PRKCA: variants seen among roughly 807,000 people sequenced by gnomAD.
PRKCA encodes the protein protein kinase C alpha type.
PRKCA carries 27 observed loss-of-function variants against 87.0 expected under a neutral mutation model. That is an observed-to-expected ratio of 0.31 (90% CI 0.23 to 0.43). The LOEUF is 0.43. Among genes scored for constraint, PRKCA ranks in the 20% least tolerant of loss-of-function variants. The pLI, the probability that PRKCA is intolerant of heterozygous loss-of-function variation, is 1.00. For synonymous variants in PRKCA, 329 were observed against 311.1 expected (o/e 1.06, Z -0.61); for missense variants, 518 against 852.3 (o/e 0.61, Z 4.88).
chr17:66,511,234 C>G (rs1917214014), intron 3 of PRKCA, among the ~76,000 whole-genome samples: 1 of 152,134 alleles, frequency 6.6e-6, no homozygotes. Context: ...ATAAGAATTT[C>G]ATACTCGAAA....
At chr17:66,381,142 A>C (rs1256016276) in intron 2 of PRKCA, among the ~76,000 whole-genome samples, 2 of 151,940 alleles carry the variant, frequency 1.3e-5, no homozygotes, top group Non-Finnish European at 2.9e-5. Flanking sequence ...GGGTCTCGCT[A>C]TGTTGGCTGG....
At chr17:66,320,113 A>G (rs559667268) in intron 2 of PRKCA, among the ~76,000 whole-genome samples, 2 of 152,318 alleles carry the variant, frequency 1.3e-5, no homozygotes, top group South Asian at 4.1e-4. Flanking sequence ...TCATAGGGTC[A>G]GGAAAAGCCC....
intron 3 of PRKCA, among the ~76,000 whole-genome samples, chr17:66,537,559 G>A (rs533577226): frequency 3.3e-5 from 5 of 152,312 alleles, no homozygotes; most frequent in Admixed American, 6.5e-5. Context: ...TCCGAATGCC[G>A]TGTGGTCTTC....
intron 3 of PRKCA, among the ~76,000 whole-genome samples, chr17:66,530,718 G>A (rs528826108): frequency 4.6e-5 from 7 of 152,316 alleles, no homozygotes; most frequent in Admixed American, 4.6e-4. Context: ...CATTCTCTCA[G>A]TGGAAGCTGG....
intron 10 of PRKCA, among the ~76,000 whole-genome samples, chr17:66,737,532 C>T (rs16960132): frequency 0.14 from 21,148 of 152,236 alleles, 1,753 homozygotes; most frequent in East Asian, 0.29. Context: ...CAGAGATTGA[C>T]TTTCTGTCTT....
intron 5 of PRKCA, among the ~76,000 whole-genome samples, chr17:66,670,966 C>T (rs1972162955): frequency 6.6e-6 from 1 of 151,806 alleles, no homozygotes; most frequent in South Asian, 2.1e-4. Flanking sequence ...AATCCCAGCA[C>T]TTTGGGAGGC....
intron 2 of PRKCA, among the ~76,000 whole-genome samples, chr17:66,422,918 C>T (rs1466165907): frequency 6.6e-6 from 1 of 151,958 alleles, no homozygotes; most frequent in East Asian, 1.9e-4. Context: ...CGAGACCAGC[C>T]TGGCCAACAT....
intron 2 of PRKCA, among the ~76,000 whole-genome samples, chr17:66,363,190 G>GATGAGC (rs1908499782): frequency 6.6e-6 from 1 of 152,228 alleles, no homozygotes; most frequent in Non-Finnish European, 1.5e-5. Flanking sequence ...ACACTGCAAA[G>GATGAGC]ATGAGCACCA....
intron 3 of PRKCA, among the ~76,000 whole-genome samples, chr17:66,568,656 A>G (rs1389672488): frequency 2.0e-5 from 3 of 152,124 alleles, no homozygotes; most frequent in Non-Finnish European, 4.4e-5. Context: ...TAAACAGTTC[A>G]TTGTGGCATA....
intron 2 of PRKCA, among the ~76,000 whole-genome samples, chr17:66,463,409 T>G (rs573721229): frequency 3.9e-5 from 6 of 152,210 alleles, no homozygotes; most frequent in Middle Eastern, 6.8e-3. Flanking sequence ...TTTTTTTATT[T>G]TTTTGAGACG....
intron 5 of PRKCA, among the ~76,000 whole-genome samples, chr17:66,660,575 T>C (rs1044899529): frequency 2.0e-5 from 3 of 152,110 alleles, no homozygotes; most frequent in Non-Finnish European, 2.9e-5. Flanking sequence ...ATGGCTACTA[T>C]GTAGGGTCTT....
intron 3 of PRKCA, among the ~76,000 whole-genome samples, chr17:66,556,424 G>T (rs1273802812): frequency 6.6e-6 from 1 of 150,542 alleles, no homozygotes; most frequent in Non-Finnish European, 1.5e-5. Context: ...ATTTAAAGAG[G>T]TTATTGAAAA....
At position 66,638,844 on chromosome 17, in the gene PRKCA, T is replaced by TAA. The variant is rs750464346; in HGVS notation, c.289-2500_289-2499dup. On this transcript the variant is annotated intron_variant, in intron 3 of 16. Transcript: ENST00000413366. ...GCCTGGGCAACAGAGCAAGACTGTC[T>TAA]AAAAAAAAAAAAGTCATAACAAGCC... Among the ~76,000 whole-genome samples the TAA allele has an allele frequency of 5.4e-3, 767 of 141,894 alleles. 10 individuals are homozygous for TAA. The highest frequency in any genetic ancestry group is 0.017 in the African/African-American group (660 of 38,884). 93.1% of individuals were successfully genotyped at this position (141,894 alleles called of 152,430 possible). A position where few individuals can be genotyped will look rare whatever the true frequency, so the allele number is the denominator to read the frequency against.
intron 2 of PRKCA, among the ~76,000 whole-genome samples, chr17:66,441,462 G>A (rs1913753879): frequency 6.6e-6 from 1 of 152,016 alleles, no homozygotes; most frequent in African/African-American, 2.4e-5. Context: ...TCACTTCAAA[G>A]TCTGCTTCTG....
chr17:66,346,306 C>G (rs1907360992), intron 2 of PRKCA, among the ~76,000 whole-genome samples: 1 of 151,784 alleles, frequency 6.6e-6, no homozygotes, highest in African/African-American at 2.4e-5. Context: ...ACCGTGTTAG[C>G]TAGGATGGTC....
chr17:66,452,288 A>G (rs1002953713), intron 2 of PRKCA, among the ~76,000 whole-genome samples: 1 of 152,204 alleles, frequency 6.6e-6, no homozygotes, highest in Non-Finnish European at 1.5e-5. Context: ...TTTGCTAAGG[A>G]GCCAGACCTC....
intron 8 of PRKCA, among the ~76,000 whole-genome samples, chr17:66,706,391 T>C (rs1973191982): frequency 6.6e-6 from 1 of 152,056 alleles, no homozygotes; most frequent in African/African-American, 2.4e-5. Context: ...ATCCCAGCAC[T>C]TTGGGAGGCC....
intron 2 of PRKCA, among the ~76,000 whole-genome samples, chr17:66,447,483 A>G (rs1567833762): frequency 6.6e-6 from 1 of 152,204 alleles, no homozygotes; most frequent in East Asian, 1.9e-4. Flanking sequence ...CCATCGGTTC[A>G]GTAATTTGAA....
chr17:66,408,718 TAGTTG>T (rs1426904374), intron 2 of PRKCA, among the ~76,000 whole-genome samples: 3 of 152,052 alleles, frequency 2.0e-5, no homozygotes, highest in Non-Finnish European at 4.4e-5. Context: ...TGCTGCTCAT[TAGTTG>T]AGTTGATGTG....
Sources: gnomAD v4.1 joint callset for allele counts (sites outside exome capture counted in the v4.1 genomes callset) on GRCh38, gnomAD v4.1.1 for gene constraint, MANE v1.5 for transcripts, NCBI Gene and HGNC (gene_info 2026-07-23, HGNC 2026-07-21) for gene names.